The following ZNF662 variants were observed in gnomAD, a reference collection of about 807,000 sequenced individuals.
The protein encoded by ZNF662 is zinc finger protein 662.
ZNF662 carries 14 observed loss-of-function variants against 12.4 expected under a neutral mutation model. The observed-to-expected ratio is 1.13, with a 90% confidence interval of 0.75 to 1.77. The LOEUF (loss-of-function observed/expected upper bound fraction) is 1.77. Among genes scored for constraint, ZNF662 ranks in the 40% most tolerant of loss-of-function variants. The pLI is 0.00. For missense variants in ZNF662, 550 were observed against 515.6 expected (o/e 1.07, Z -0.65); for synonymous variants, 184 against 176.4 (o/e 1.04, Z -0.34).
rs961448057 is a variant in ZNF662 at position 42,919,301 on chromosome 3, C to T, written c.*3947C>T. Among the ~76,000 whole-genome samples, 2 of 152,164 alleles carry T rather than the reference C, an allele frequency of 1.3e-5. No individual in the cohort carries two copies. Among genetic ancestry groups the T allele is most frequent in the Admixed American group, 6.5e-5 (1 of 15,274 alleles). On this transcript the variant is annotated 3_prime_UTR_variant, in exon 5 of 5. Coordinates refer to ENST00000440367, the MANE Select transcript of ZNF662 (RefSeq NM_207404.4). Reference sequence around the variant, plus strand: ...TTGTTAAAAATAAATCATGATAGGACTGAGTTGTTTGCAAAATAAACTTTA... The same window carrying T: ...TTGTTAAAAATAAATCATGATAGGATTGAGTTGTTTGCAAAATAAACTTTA...
chr3:42,910,295 G>T (rs1210467445), intron 3 of ZNF662, among the ~76,000 whole-genome samples: 2 of 152,212 alleles, frequency 1.3e-5, no homozygotes, highest in Non-Finnish European at 2.9e-5. Context: ...GAGTCAAGAT[G>T]GCGGCAGTAC....
At chr3:42,914,282 G>A in intron 4 of ZNF662, 45 bp from the exon 5 acceptor site, 2 of 1,518,950 alleles carry the variant, frequency 1.3e-6, no homozygotes, top group Non-Finnish European at 8.9e-7. Context: ...TAGTCGCTGT[G>A]TCATGGATAA....
At chr3:42,907,848 C>A (rs1381461535) in intron 1 of ZNF662, 174 bp from the exon 2 acceptor site, 3 of 985,258 alleles carry the variant, frequency 3.0e-6, no homozygotes, top group Non-Finnish European at 3.6e-6. Context: ...ATGGCTGATG[C>A]CTTGTCTCTT....
rs1162215899 is a variant in ZNF662, at chr3:42,906,394, G to A, written c.-94+226G>A. On this transcript the variant is annotated intron_variant, in intron 1 of 4. Transcript: ENST00000440367. The surrounding 1 kb of genome is among the most constrained non-coding windows in gnomAD (Gnocchi z 4.4). ...GGCGAGCGGGACACGCCTCGGCCTT[G>A]TCCTCGAGCTGCTCCCGGGACAGCC... The A allele has an allele frequency of 2.5e-5, 38 of 1,519,344 alleles. No homozygotes were observed. Among genetic ancestry groups the A allele is most frequent in the Non-Finnish European group, 3.3e-5 (38 of 1,138,240 alleles). 94.1% of individuals were successfully genotyped at this position (1,519,344 alleles called of 1,614,324 possible).
At chr3:42,913,522 G>C (rs539616076) in intron 4 of ZNF662, among the ~76,000 whole-genome samples, 1 of 152,072 alleles carries the variant, frequency 6.6e-6, no homozygotes, top group African/African-American at 2.4e-5. Flanking sequence ...GGTCTTTTGC[G>C]TTAGACTTAA....
At chr3:42,910,246 G>T (rs1004043903) in intron 3 of ZNF662, among the ~76,000 whole-genome samples, 4 of 152,176 alleles carry the variant, frequency 2.6e-5, no homozygotes, top group Non-Finnish European at 5.9e-5. Context: ...CAGGCACTCG[G>T]CAGGCTGAGG....
In ZNF662 at chr3:42,908,754, A is replaced by G. The variant is rs778870475; in HGVS notation, c.35-39A>G. 1.9e-6 allele frequency: 3 copies of G among 1,598,202 alleles called. No individual in the cohort carries two copies. In the South Asian group the frequency reaches 3.3e-5, roughly 18 times the overall value. On this transcript the variant is annotated intron_variant, in intron 2 of 4. Coordinates refer to ENST00000440367, the MANE Select transcript of ZNF662 (RefSeq NM_207404.4). ...AGGAGCCTTGGGATTACTGTGTGCC[A>G]TGCCACTCACCTGCCTGTCCCATTT...
chr3:42,914,839 G>A lies in ZNF662; in HGVS notation c.766G>A (p.Ala256Thr), dbSNP rs1160264819. The change falls in exon 5 of 5, where the codon GCC becomes ACC. Residue 256 changes from alanine (A) to threonine (T), a missense_variant. Transcript: ENST00000440367. ...KPYECQECAK[A>T]FVWKSNLIRH... ...CTATGAATGTCAAGAATGTGCTAAGGCCTTTGTTTGGAAGTCAAACCTGAT... is the reference window on the plus strand; with the variant it reads ...CTATGAATGTCAAGAATGTGCTAAGACCTTTGTTTGGAAGTCAAACCTGAT... 5 of 1,613,930 alleles carry A rather than the reference G, an allele frequency of 3.1e-6. No individual in the cohort carries two copies. The highest frequency in any genetic ancestry group is 4.2e-6 in the Non-Finnish European group (5 of 1,179,990).
At chr3:42,913,748 C>A (rs1242574055) in intron 4 of ZNF662, among the ~76,000 whole-genome samples, 4 of 152,112 alleles carry the variant, frequency 2.6e-5, no homozygotes, top group Non-Finnish European at 5.9e-5. Context: ...GAATAAGACA[C>A]TATGAGAACA....
rs1467359352 is a variant in ZNF662, at chr3:42,917,987, T to C, written c.*2633T>C. Among the ~76,000 whole-genome samples, 4 of 152,204 alleles carry C rather than the reference T, an allele frequency of 2.6e-5. No homozygotes were observed. Among genetic ancestry groups the C allele is most frequent in the Non-Finnish European group, 5.9e-5 (4 of 68,036 alleles). On this transcript the variant is annotated 3_prime_UTR_variant, in exon 5 of 5. Coordinates refer to ENST00000440367, the MANE Select transcript of ZNF662 (RefSeq NM_207404.4). Reference sequence around the variant, plus strand: ...CAGGTGTGGTGGCACATGCCAGTAATCTCAGCTACTCAGGAGGCTGAGGCA... The same window carrying C: ...CAGGTGTGGTGGCACATGCCAGTAACCTCAGCTACTCAGGAGGCTGAGGCA...
chr3:42,908,124 A>G lies in ZNF662; in HGVS notation c.10A>G (p.Asn4Asp). MLE[N>D]YGAVASLAAF... ...CCTGTACAGGGATGTGATGCTGGAG[A>G]ATTATGGGGCTGTGGCTTCCCTGGG... is the stretch of plus-strand genomic sequence containing the variant. The change falls in exon 2 of 5, where the codon AAT (asparagine) becomes GAT (aspartate). Residue 4 changes from asparagine (N) to aspartate (D), a missense_variant. Asn to Asp is a conservative substitution (Grantham distance 23). Transcript: ENST00000440367. The G allele has an allele frequency of 6.2e-7, 1 of 1,613,648 alleles. No individual in the cohort carries two copies. The highest frequency in any genetic ancestry group is 8.5e-7 in the Non-Finnish European group (1 of 1,179,684).
chr3:42,912,411 TTA>T lies in ZNF662; in HGVS notation c.152-782_152-781del, dbSNP rs528366301. Among the ~76,000 whole-genome samples the T allele has an allele frequency of 1.0e-3, 102 of 98,728 alleles. 1 individual carries two copies. The highest frequency in any genetic ancestry group is 1.4e-3 in the South Asian group (5 of 3,470). 64.8% of individuals were successfully genotyped at this position (98,728 alleles called of 152,430 possible). Reference sequence around the variant, plus strand: ...ATAATATATATTTATATATTATATATTATATATATTAATATATATATAATATT... The same window carrying T: ...ATAATATATATTTATATATTATATATTATATATTAATATATATATAATATT... On this transcript the variant is annotated intron_variant, in intron 3 of 4. Transcript: ENST00000440367.
Position 42,906,344 on chromosome 3 carries a change from C to G in ZNF662, c.-94+176C>G, listed in dbSNP as rs1043790329. ...GCGCCCTCGCTTTCCCAGAGGGCGA[C>G]CTGGGCTATGGCGGCCGTGGCGCTG... is the stretch of plus-strand genomic sequence containing the variant. On this transcript the variant is annotated intron_variant, in intron 1 of 4. Transcript: ENST00000440367. This position sits in a 1 kb window ranked among gnomAD's most constrained non-coding sequence, Gnocchi z 4.4. 5 of 1,529,090 alleles carry G rather than the reference C, an allele frequency of 3.3e-6. No individual in the cohort carries two copies. The African/African-American group carries it at 7.1e-5, about 22-fold the overall frequency. 94.7% of individuals were successfully genotyped at this position (1,529,090 alleles called of 1,614,324 possible).
At chr3:42,909,686 C>T (rs898704663) in intron 3 of ZNF662, among the ~76,000 whole-genome samples, 6 of 147,824 alleles carry the variant, frequency 4.1e-5, no homozygotes, top group African/African-American at 1.3e-4. Context: ...AGCGGCTGGG[C>T]GGGGGCTGCC....
rs1393634109 is a variant in ZNF662 at position 42,915,879 on chromosome 3, C to T, written c.*525C>T. ...AACTAAGAAGATCTCTCTTCCTCTTCTACTTGTAATCAGTACCACCCAAGT... is the reference window on the plus strand; with the variant it reads ...AACTAAGAAGATCTCTCTTCCTCTTTTACTTGTAATCAGTACCACCCAAGT... On this transcript the variant is annotated 3_prime_UTR_variant, in exon 5 of 5. Coordinates refer to ENST00000440367, the MANE Select transcript of ZNF662 (RefSeq NM_207404.4). 1.3e-5 allele frequency: 2 copies of T among 154,012 alleles called. No individual in the cohort carries two copies. Among genetic ancestry groups the T allele is most frequent in the East Asian group, 3.8e-4 (2 of 5,206 alleles). 9.5% of individuals were successfully genotyped at this position (154,012 alleles called of 1,614,324 possible).
chr3:42,912,717 TATA>T (rs2088840404), intron 3 of ZNF662, among the ~76,000 whole-genome samples: 2 of 98,450 alleles, frequency 2.0e-5, no homozygotes, highest in African/African-American at 8.3e-5. Context: ...AATATATATA[TATA>T]TTTTTTATAT....
chr3:42,915,050 AC>A lies in ZNF662; in HGVS notation c.978del (p.His326GlnfsTer78), dbSNP rs776103426. ...NPALLRHQRM[H>X]TGEKPYECKD... ...GCCCTTCTTCGACATCAGAGAATGC[AC>A]ACTGGGGAGAAGCCTTACGAATGTA... On this transcript the variant is annotated frameshift_variant, in exon 5 of 5. Coordinates refer to ENST00000440367, the MANE Select transcript of ZNF662 (RefSeq NM_207404.4). LOFTEE classifies it low-confidence loss of function (END_TRUNC). 6.2e-7 allele frequency: 1 copy of A among 1,614,124 alleles called. No individual in the cohort carries two copies. The highest frequency in any genetic ancestry group is 8.5e-7 in the Non-Finnish European group (1 of 1,180,032).
In ZNF662 at chr3:42,917,611, C is replaced by G; in HGVS notation, c.*2257C>G. 1 of 686,714 alleles carries G rather than the reference C, an allele frequency of 1.5e-6. No individual in the cohort carries two copies. The highest frequency in any genetic ancestry group is 2.6e-6 in the Non-Finnish European group (1 of 380,868). The allele number at this position is 686,714 out of a possible 1,614,324, so 42.5% of individuals were successfully genotyped here. On this transcript the variant is annotated 3_prime_UTR_variant, in exon 5 of 5. Transcript: ENST00000440367. ...GCAGAGCTACCTCAGAACTTTTCAG[C>G]TATGTGAGCCAATAAACATCTGTCA...
rs774490455 is a variant in ZNF662 at position 42,906,396 on chromosome 3, C to T, written c.-94+228C>T. 12 of 1,518,192 alleles carry T rather than the reference C, an allele frequency of 7.9e-6. No individual in the cohort carries two copies. Among genetic ancestry groups the T allele is most frequent in the Middle Eastern group, 2.1e-4 (1 of 4,764 alleles). 94.0% of individuals were successfully genotyped at this position (1,518,192 alleles called of 1,614,324 possible). On this transcript the variant is annotated intron_variant, in intron 1 of 4. Transcript: ENST00000440367. This position sits in a 1 kb window ranked among gnomAD's most constrained non-coding sequence, Gnocchi z 4.4. ...CGAGCGGGACACGCCTCGGCCTTGT[C>T]CTCGAGCTGCTCCCGGGACAGCCCG...
Sources: gnomAD v4.1 joint callset for allele counts (sites outside exome capture counted in the v4.1 genomes callset) on GRCh38, gnomAD v4.1.1 for gene constraint, Gnocchi (gnomAD v3.1) non-coding constraint, MANE v1.5 for transcripts, NCBI Gene and HGNC (gene_info 2026-07-23, HGNC 2026-07-21) for gene names.